OTUD7A: variants seen among roughly 807,000 people sequenced by gnomAD.
OTUD7A encodes the protein OTU deubiquitinase 7A.
A neutral mutation model predicts 65.7 loss-of-function variants in OTUD7A; 12 were observed. That is an observed-to-expected ratio of 0.18 (90% CI 0.12 to 0.30). The LOEUF (loss-of-function observed/expected upper bound fraction) is 0.30. OTUD7A is among the 10% of genes least tolerant of loss of function. The probability of loss-of-function intolerance (pLI) is 1.00; values close to 1 mark genes in which losing one functional copy is unlikely to be tolerated. For synonymous variants in OTUD7A, 641 were observed against 586.3 expected (o/e 1.09, Z -1.35); for missense variants, 1,148 against 1,304.8 (o/e 0.88, Z 1.85).
chr15:31,691,668 T>C (rs1465352404), intron 1 of OTUD7A, among the ~76,000 whole-genome samples: 2 of 140,214 alleles, frequency 1.4e-5, no homozygotes, highest in Non-Finnish European at 3.1e-5. Flanking sequence ...CTTCAGGACA[T>C]TGGTTTGGGC....
chr15:31,632,719 G>T (rs551720227), intron 3 of OTUD7A, among the ~76,000 whole-genome samples: 21 of 152,332 alleles, frequency 1.4e-4, no homozygotes, highest in South Asian at 8.3e-4. Context: ...CCTGCCCCCA[G>T]AGGTGGAGCC....
intron 1 of OTUD7A, among the ~76,000 whole-genome samples, chr15:31,748,755 T>C (rs911857182): frequency 6.6e-6 from 1 of 152,160 alleles, no homozygotes; most frequent in Non-Finnish European, 1.5e-5. Flanking sequence ...GATATGGCCA[T>C]TAAAAACATG....
At chr15:31,782,361 G>A (rs1247716825) in intron 1 of OTUD7A, among the ~76,000 whole-genome samples, 3 of 152,266 alleles carry the variant, frequency 2.0e-5, no homozygotes, top group African/African-American at 7.2e-5. Flanking sequence ...GGAAAGCCCA[G>A]AGGTGGCAAA....
chr15:31,791,897 C>T (rs1465073115), intron 1 of OTUD7A, among the ~76,000 whole-genome samples: 1 of 152,100 alleles, frequency 6.6e-6, no homozygotes, highest in African/African-American at 2.4e-5. Context: ...ATGCCCTCCC[C>T]AAATGCACTC....
At chr15:31,551,543 CCT>C (rs1208730401) in intron 5 of OTUD7A, among the ~76,000 whole-genome samples, 20 of 152,186 alleles carry the variant, frequency 1.3e-4, no homozygotes, top group African/African-American at 4.8e-4. Flanking sequence ...GAGCAATAGT[CCT>C]CTGATTCATC....
intron 1 of OTUD7A, among the ~76,000 whole-genome samples, chr15:31,792,399 C>A (rs1213705644): frequency 6.6e-6 from 1 of 152,172 alleles, no homozygotes; most frequent in East Asian, 1.9e-4. Context: ...GCCAGGCTCA[C>A]AGGACCTCCA....
At chr15:31,771,907 A>G (rs16955884) in intron 1 of OTUD7A, among the ~76,000 whole-genome samples, 11,216 of 152,026 alleles carry the variant, frequency 0.074, 994 homozygotes, top group African/African-American at 0.21. Context: ...ATTCTCCCTA[A>G]CAGCCTCTTG....
intron 1 of OTUD7A, among the ~76,000 whole-genome samples, chr15:31,778,767 T>TAC (rs372445306): frequency 2.4e-4 from 36 of 151,604 alleles, no homozygotes; most frequent in Middle Eastern, 3.4e-3. Flanking sequence ...GACACGCACA[T>TAC]ACACACACAC....
chr15:31,487,098 A>T lies in OTUD7A; in HGVS notation c.1371+96T>A. 2.4e-6 allele frequency: 3 copies of T among 1,233,008 alleles called. No individual in the cohort carries two copies. Among genetic ancestry groups the T allele is most frequent in the Non-Finnish European group, 3.5e-6 (3 of 869,238 alleles). 76.4% of individuals were successfully genotyped at this position (1,233,008 alleles called of 1,614,324 possible). On this transcript the variant is annotated intron_variant, in intron 12 of 12. Coordinates refer to ENST00000307050, the MANE Select transcript of OTUD7A (RefSeq NM_001382637.1). The surrounding 1 kb of genome is among the most constrained non-coding windows in gnomAD (Gnocchi z 6.0). Reference sequence around the variant, plus strand: ...GGGCGGCCGGGCAGGGGCAGGCAAGAGTGTGGGAGCATTTGGGAGGATGCA... The same window carrying T: ...GGGCGGCCGGGCAGGGGCAGGCAAGTGTGTGGGAGCATTTGGGAGGATGCA...
Position 31,483,855 on chromosome 15 carries a change from G to T in OTUD7A, c.2241C>A (p.Gly747=), listed in dbSNP as rs1366168857. The T allele has an allele frequency of 1.2e-4, 117 of 980,856 alleles. 1 individual carries two copies. Among genetic ancestry groups the T allele is most frequent in the Middle Eastern group, 5.2e-4 (1 of 1,916 alleles). 60.8% of individuals were successfully genotyped at this position (980,856 alleles called of 1,614,324 possible). A position where few individuals can be genotyped will look rare whatever the true frequency, so the allele number is the denominator to read the frequency against. Residue 747 remains glycine (G), a synonymous_variant, in exon 13 of 13, where the codon GGC becomes GGA. Transcript: ENST00000307050. The part of the protein sequence containing the change: ...AAGRAARAAA[G]GTASPGGGAR... ...CGCCTCCCCCCGGGGAGGCCGTGCC[G>T]CCCGCCGCCGCCCGCGCCGCACGCC...
chr15:31,604,352 CCAAACACCGCATTTTCTCA>C (rs1458188635), intron 3 of OTUD7A, among the ~76,000 whole-genome samples: 1 of 152,062 alleles, frequency 6.6e-6, no homozygotes, highest in Non-Finnish European at 1.5e-5. Context: ...GAACAGAAAA[CCAAACACCGCATTTTCTCA>C]CTCATAAGTG....
In OTUD7A at chr15:31,610,607, A is replaced by T. The variant is rs1291959946; in HGVS notation, c.152-40410T>A. Among the ~76,000 whole-genome samples the T allele has an allele frequency of 3.7e-3, 148 of 39,476 alleles. 1 individual carries two copies. Among genetic ancestry groups the T allele is most frequent in the Middle Eastern group, 0.01 (1 of 100 alleles). The allele number at this position is 39,476 out of a possible 152,430, so 25.9% of individuals were successfully genotyped here. A position where few individuals can be genotyped will look rare whatever the true frequency, so the allele number is the denominator to read the frequency against. On this transcript the variant is annotated intron_variant, in intron 3 of 12. Transcript: ENST00000307050. ...GAAAAATGAAATTATATATATATAT[A>T]TATATATATATTTTTTTTTTTTTTT...
rs531545197 is a variant in OTUD7A at position 31,661,065 on chromosome 15, C to T, written c.-99-3988G>A. On this transcript the variant is annotated intron_variant, in intron 1 of 12. Coordinates refer to ENST00000307050, the MANE Select transcript of OTUD7A (RefSeq NM_001382637.1). ...CATGACTGGGCCTTGTGCCAGCTCT[C>T]AGAGCATCTGGTGCCTTTAAAATAA... 3.9e-5 allele frequency among the ~76,000 whole-genome samples: 6 copies of T among 152,342 alleles called. No homozygotes were observed. In the East Asian group the frequency reaches 1.2e-3, roughly 29 times the overall value.
At position 31,747,421 on chromosome 15, in the gene OTUD7A, T is replaced by C. The variant is rs146502191; in HGVS notation, c.-99-90344A>G. On this transcript the variant is annotated intron_variant, in intron 1 of 12. Coordinates refer to ENST00000307050, the MANE Select transcript of OTUD7A (RefSeq NM_001382637.1). ...TAAAAGGAAATCCTAGACAACCTCC[T>C]TGCACCAGAAAGGAAGGAGGTGTTG... is the stretch of plus-strand genomic sequence containing the variant. 5.9e-5 allele frequency among the ~76,000 whole-genome samples: 9 copies of C among 152,202 alleles called. No homozygotes were observed. The East Asian group carries it at 1.7e-3, about 29-fold the overall frequency.
chr15:31,506,718 T>C (rs779705326), intron 8 of OTUD7A, among the ~76,000 whole-genome samples: 11 of 152,174 alleles, frequency 7.2e-5, no homozygotes, highest in Non-Finnish European at 1.3e-4. Flanking sequence ...TTTTAAGGAA[T>C]ATTAAATTTT....
chr15:31,584,671 A>AG (rs1182160982), intron 3 of OTUD7A, among the ~76,000 whole-genome samples: 59 of 152,350 alleles, frequency 3.9e-4, no homozygotes, highest in Non-Finnish European at 7.8e-4. Context: ...AAGAAAGTAC[A>AG]TAGGAACATG....
At chr15:31,842,179 AAC>A (rs1490386082) in intron 1 of OTUD7A, among the ~76,000 whole-genome samples, 3 of 152,260 alleles carry the variant, frequency 2.0e-5, no homozygotes, top group Non-Finnish European at 4.4e-5. Flanking sequence ...TAAAGCACAA[AAC>A]AGGCAAATCT....
At chr15:31,801,298 T>C (rs1261465874) in intron 1 of OTUD7A, among the ~76,000 whole-genome samples, 1 of 152,214 alleles carries the variant, frequency 6.6e-6, no homozygotes, top group Non-Finnish European at 1.5e-5. Context: ...TCACAGGAGA[T>C]GGCCTGGCCT....
chr15:31,808,132 C>A (rs1303191049), intron 1 of OTUD7A, among the ~76,000 whole-genome samples: 4 of 103,128 alleles, frequency 3.9e-5, no homozygotes, highest in East Asian at 3.9e-4. Context: ...CACACACACA[C>A]ACACAAACAA....
Sources: gnomAD v4.1 joint callset for allele counts (sites outside exome capture counted in the v4.1 genomes callset) on GRCh38, gnomAD v4.1.1 for gene constraint, Gnocchi (gnomAD v3.1) non-coding constraint, MANE v1.5 for transcripts, NCBI Gene and HGNC (gene_info 2026-07-23, HGNC 2026-07-21) for gene names.